Variants in AP5Z1 observed in about 807,000 individuals in gnomAD.
AP5Z1 encodes the protein adaptor related protein complex 5 subunit zeta 1.
A neutral mutation model predicts 83.0 loss-of-function variants in AP5Z1; 106 were observed. The ratio of observed to expected loss-of-function variants is 1.28; its 90% CI spans 1.09 to 1.50. AP5Z1 has a LOEUF of 1.50. Among genes scored for constraint, AP5Z1 ranks in the 40% most tolerant of loss-of-function variants. The pLI, the probability that AP5Z1 is intolerant of heterozygous loss-of-function variation, is 0.00. For synonymous variants in AP5Z1, 751 were observed against 514.1 expected, an observed-to-expected ratio of 1.46 and a Z score of -6.23; for missense variants, 1,565 against 1,094.2, an observed-to-expected ratio of 1.43 and a Z score of -6.07.
chr7:4,785,185 C>A, intron 7 of AP5Z1, 137 bp downstream of exon 7: 1 of 1,400,576 alleles, frequency 7.1e-7, no homozygotes, highest in Admixed American at 2.6e-5. Context: ...GGAGCAGGGG[C>A]ATTTTTGCTT....
At chr7:4,788,764 C>T (rs1437025279) in intron 12 of AP5Z1, 76 bp from the exon 13 acceptor site, 17 of 1,269,440 alleles carry the variant, frequency 1.3e-5, no homozygotes, top group Non-Finnish European at 1.7e-5. Flanking sequence ...CGAGAGGGAG[C>T]AGTGGCGACG....
chr7:4,786,306 C>T lies in AP5Z1; in HGVS notation c.1189C>T (p.Pro397Ser), dbSNP rs370516405. ...AVYQHLFTRIPVEQFHSPMLA... is the reference protein window; with the variant it reads ...AVYQHLFTRISVEQFHSPMLA... ...CTACCAGCACCTGTTCACCAGGATC[C>T]CGGTGGAGCAGTTCCACAGCCCCAT... The change falls in exon 10 of 17, where the codon CCG becomes TCG. Residue 397 changes from proline (P) to serine (S), a missense_variant. Transcript: ENST00000649063. 7 of 1,613,284 alleles carry T rather than the reference C, an allele frequency of 4.3e-6. No homozygotes were observed. The African/African-American group carries it at 8.0e-5, about 18-fold the overall frequency.
At chr7:4,790,070 A>C (rs1781706120) in intron 14 of AP5Z1, 141 bp downstream of exon 14, 63 of 1,041,378 alleles carry the variant, frequency 6.0e-5, no homozygotes, top group Non-Finnish European at 7.3e-5. Context: ...TGCCACCCCC[A>C]CCCACAGCCC....
intron 10 of AP5Z1, among the ~76,000 whole-genome samples, chr7:4,786,737 CTGCCTGG>C (rs1317176543): frequency 6.6e-6 from 1 of 151,892 alleles, no homozygotes; most frequent in Admixed American, 6.5e-5. Flanking sequence ...CCCGGGAGCC[CTGCCTGG>C]TGCCTTGGGC....
intron 1 of AP5Z1, among the ~76,000 whole-genome samples, chr7:4,777,684 C>T (rs776430108): frequency 1.2e-4 from 18 of 152,294 alleles, no homozygotes; most frequent in Admixed American, 6.5e-4. Flanking sequence ...CCACCATACC[C>T]GGCTGAGCCC....
intron 2 of AP5Z1, 77 bp downstream of exon 2, chr7:4,781,389 T>C: frequency 6.3e-7 from 1 of 1,599,798 alleles, no homozygotes; most frequent in Non-Finnish European, 8.5e-7. Flanking sequence ...AGCAGGTCAC[T>C]GCAGATGCTC....
At chr7:4,782,687 A>G (rs1216433471) in intron 3 of AP5Z1, among the ~76,000 whole-genome samples, 1 of 151,892 alleles carries the variant, frequency 6.6e-6, no homozygotes, top group East Asian at 1.9e-4. Flanking sequence ...CAGGCCTCCG[A>G]GATGACCCCG....
intron 1 of AP5Z1, among the ~76,000 whole-genome samples, 153 bp from the exon 2 acceptor site, chr7:4,781,021 AT>A (rs1447517929): frequency 6.6e-6 from 1 of 152,128 alleles, no homozygotes. Context: ...GAATCAGCGA[AT>A]TTATCTCGAG....
intron 3 of AP5Z1, among the ~76,000 whole-genome samples, chr7:4,782,807 C>A (rs1223163178): frequency 2.0e-5 from 3 of 152,220 alleles, no homozygotes; most frequent in Non-Finnish European, 4.4e-5. Flanking sequence ...GGAAGATGAT[C>A]TTGCAGAACT....
At position 4,783,555 on chromosome 7, in the gene AP5Z1, G is replaced by T. The variant is rs11764275; in HGVS notation, c.511+95G>T. The T allele has an allele frequency of 0.068, 106,096 of 1,548,920 alleles. 4,694 individuals carry two copies. Among genetic ancestry groups the T allele is most frequent in the South Asian group, 0.18 (15,393 of 84,524 alleles). ...TGGGTTGGGAGTGTGGGGGGCAGGTGGGGGACACGGGGAGGCCCGAGGGTT... is the reference window on the plus strand; with the variant it reads ...TGGGTTGGGAGTGTGGGGGGCAGGTTGGGGACACGGGGAGGCCCGAGGGTT... On this transcript the variant is annotated intron_variant, in intron 4 of 16. Transcript: ENST00000649063.
In AP5Z1 at chr7:4,791,623, A is replaced by G. The variant is rs957565418; in HGVS notation, c.*238A>G. The G allele has an allele frequency of 1.7e-6, 1 of 601,904 alleles. No homozygotes were observed. The allele number at this position is 601,904 out of a possible 1,614,324, so 37.3% of individuals were successfully genotyped here. A position where few individuals can be genotyped will look rare whatever the true frequency, so the allele number is the denominator to read the frequency against. On this transcript the variant is annotated 3_prime_UTR_variant, in exon 17 of 17. Transcript: ENST00000649063. ...TGAGCTGAGCTGAGGGGTGCCATGGAGCGGCTCTGATTGGAGGCTTGAGGC... is the reference window on the plus strand; with the variant it reads ...TGAGCTGAGCTGAGGGGTGCCATGGGGCGGCTCTGATTGGAGGCTTGAGGC...
rs771137808 is a variant in AP5Z1 at position 4,784,988 on chromosome 7, G to T, written c.871G>T (p.Glu291Ter). Residue 291 changes from glutamate (E) to a stop codon, truncating the protein, a stop_gained, in exon 7 of 17, where the codon GAG becomes TAG. Transcript: ENST00000649063. LOFTEE classifies it high-confidence loss of function. ...TGCCGGCCGCCTGCTGCCGCCCCGG[G>T]AGCGGCTTCGGGAGGTGGCCTTCGA... ...SSAGRLLPPR[E>*]RLREVAFEYC... The T allele has an allele frequency of 6.2e-7, 1 of 1,612,106 alleles. No homozygotes were observed. Among genetic ancestry groups the T allele is most frequent in the East Asian group, 2.2e-5 (1 of 44,870 alleles).
chr7:4,783,241 C>A, intron 3 of AP5Z1, 75 bp from the exon 4 acceptor site: 1 of 1,489,284 alleles, frequency 6.7e-7, no homozygotes, highest in South Asian at 1.3e-5. Flanking sequence ...AGGAGTGTCA[C>A]ACAGACTTCC....
chr7:4,790,366 A>G (rs1781719964), intron 14 of AP5Z1, 93 bp from the exon 15 acceptor site: 3 of 1,586,950 alleles, frequency 1.9e-6, no homozygotes, highest in African/African-American at 1.3e-5. Flanking sequence ...CCTACCACTC[A>G]GACGCTTCCC....
intron 12 of AP5Z1, 33 bp from the exon 13 acceptor site, chr7:4,788,807 C>A (rs767094342): frequency 1.3e-6 from 2 of 1,533,980 alleles, no homozygotes; most frequent in South Asian, 1.2e-5. Context: ...GGTCGGGGAG[C>A]GGGCAGCACT....
At chr7:4,784,823 C>T in intron 6 of AP5Z1, 85 bp from the exon 7 acceptor site, 3 of 1,505,882 alleles carry the variant, frequency 2.0e-6, no homozygotes, top group Non-Finnish European at 2.7e-6. Context: ...CCTGTGCTCT[C>T]CTCCTGCCCT....
At position 4,791,592 on chromosome 7, in the gene AP5Z1, C is replaced by T; in HGVS notation, c.*207C>T. ...TGTCTCCGAGCCTTTTGCTCCCAGG[C>T]AACACTGAGCTGAGCTGAGGGGTGC... On this transcript the variant is annotated 3_prime_UTR_variant, in exon 17 of 17. Coordinates refer to ENST00000649063, the MANE Select transcript of AP5Z1 (RefSeq NM_014855.3). 1 of 724,246 alleles carries T rather than the reference C, an allele frequency of 1.4e-6. No homozygotes were observed. The highest frequency in any genetic ancestry group is 2.7e-5 in the East Asian group (1 of 36,528). The allele number at this position is 724,246 out of a possible 1,614,324, so 44.9% of individuals were successfully genotyped here. A position where few individuals can be genotyped will look rare whatever the true frequency, so the allele number is the denominator to read the frequency against.
At chr7:4,789,465 C>T (rs1020627849) in intron 13 of AP5Z1, among the ~76,000 whole-genome samples, 1 of 152,240 alleles carries the variant, frequency 6.6e-6, no homozygotes, top group African/African-American at 2.4e-5. Context: ...CTTCCCACCT[C>T]GGGGAGCTCT....
Position 4,788,238 on chromosome 7 carries a change from G to T in AP5Z1, c.1539G>T (p.Gln513His). 1 of 1,582,540 alleles carries T rather than the reference G, an allele frequency of 6.3e-7. No individual in the cohort carries two copies. The highest frequency in any genetic ancestry group is 1.2e-5 in the South Asian group (1 of 86,584). Residue 513 changes from glutamine (Q) to histidine (H), a missense_variant, in exon 12 of 17, where the codon CAG (glutamine) becomes CAT (histidine). Physicochemically the swap from Gln to His is conservative, Grantham distance 24. Transcript: ENST00000649063. ...GCCTGGAGGCCTTCCGGGACCCGCA[G>T]TTCCAGGGTCTTTTCCAATACCTGC... ...PSCLEAFRDP[Q>H]FQGLFQYLLR... is the part of the protein sequence containing the mutation.
Sources: allele counts gnomAD v4.1 joint callset (sites outside exome capture counted in the v4.1 genomes callset), GRCh38; gene constraint gnomAD v4.1.1; transcripts MANE v1.5; gene names NCBI Gene and HGNC (gene_info 2026-07-23, HGNC 2026-07-21).